GASK1B: variants seen among roughly 807,000 people sequenced by gnomAD.
The protein encoded by GASK1B is Golgi-associated kinase 1B.
GASK1B carries 34 observed loss-of-function variants against 42.8 expected under a neutral mutation model. The observed-to-expected ratio is 0.79, with a 90% CI of 0.60 to 1.06. The LOEUF is 1.06. Among genes scored for constraint, GASK1B ranks in the 50% least tolerant of loss-of-function variants. The pLI is 0.00. For synonymous variants in GASK1B, 262 were observed against 259.1 expected (o/e 1.01, Z -0.11); for missense variants, 686 against 661.0 (o/e 1.04, Z -0.42).
chr4:158,128,349 T>C (rs1028380031), intron 4 of GASK1B, among the ~76,000 whole-genome samples: 8 of 152,188 alleles, frequency 5.3e-5, no homozygotes, highest in Non-Finnish European at 1.2e-4. Flanking sequence ...TTTGCTGAAT[T>C]ACCTTAAAAG....
chr4:158,149,333 C>T (rs758555598), intron 3 of GASK1B, among the ~76,000 whole-genome samples: 5 of 152,126 alleles, frequency 3.3e-5, no homozygotes, highest in Non-Finnish European at 7.4e-5. Context: ...ACTTTGCTAC[C>T]ATTGTGGTTG....
Position 158,171,367 on chromosome 4 carries a change from A to G in GASK1B, c.9T>C (p.Cys3=). Residue 3 remains cysteine, a synonymous_variant, in exon 2 of 5, where the codon TGT becomes TGC. Coordinates refer to ENST00000585682, the MANE Select transcript of GASK1B (RefSeq NM_001128424.2). ...TTATGAGCTGCCCCGGCTTGTCTGG[A>G]CAGGTCATTTCTCTGCCGCATCCAC... The part of the protein sequence containing the change: MT[C]PDKPGQLINW... 2 of 1,577,468 alleles carry G rather than the reference A, an allele frequency of 1.3e-6. No individual in the cohort carries two copies. The highest frequency in any genetic ancestry group is 1.7e-6 in the Non-Finnish European group (2 of 1,158,700).
Position 158,170,619 on chromosome 4 carries a change from C to T in GASK1B, c.757G>A (p.Ala253Thr), listed in dbSNP as rs762471143. ...CCACAGCGGAGCACAGCGCCAGGTG[C>T]GCCCCCCTCCAGCACCAGCAAACGG... The part of the protein sequence containing the change: ...GARLLVLEGG[A>T]PGAVLRCGPS... The change falls in exon 2 of 5, where the codon GCA becomes ACA. Residue 253 changes from alanine (A) to threonine (T), a missense_variant. By Grantham distance (58) the Ala-to-Thr change is moderately conservative. Coordinates refer to ENST00000585682, the MANE Select transcript of GASK1B (RefSeq NM_001128424.2). The T allele has an allele frequency of 3.7e-6, 6 of 1,613,660 alleles. No individual in the cohort carries two copies. Among genetic ancestry groups the T allele is most frequent in the Non-Finnish European group, 8.5e-7 (1 of 1,180,040 alleles).
chr4:158,125,454 C>G lies in GASK1B; in HGVS notation c.*1953G>C, dbSNP rs897168215. Reference sequence around the variant, plus strand: ...AGCAGTAAAAATGCAAATATGCCACCTTGGTAAGACAGGATGTCAGGCAAC... The same window carrying G: ...AGCAGTAAAAATGCAAATATGCCACGTTGGTAAGACAGGATGTCAGGCAAC... On this transcript the variant is annotated 3_prime_UTR_variant, in exon 5 of 5. Coordinates refer to ENST00000585682, the MANE Select transcript of GASK1B (RefSeq NM_001128424.2). 1 of 151,964 alleles carries G rather than the reference C, an allele frequency of 6.6e-6. No homozygotes were observed. Among genetic ancestry groups the G allele is most frequent in the African/African-American group, 2.4e-5 (1 of 41,376 alleles). 9.4% of individuals were successfully genotyped at this position (151,964 alleles called of 1,614,324 possible). A position where few individuals can be genotyped will look rare whatever the true frequency, so the allele number is the denominator to read the frequency against.
chr4:158,154,034 G>C (rs1051004912), intron 3 of GASK1B, among the ~76,000 whole-genome samples: 6 of 151,876 alleles, frequency 4.0e-5, no homozygotes, highest in African/African-American at 9.7e-5. Context: ...AAATTAAAAG[G>C]CTTCTGCATA....
At chr4:158,159,322 C>T (rs528049746) in intron 2 of GASK1B, among the ~76,000 whole-genome samples, 8 of 152,174 alleles carry the variant, frequency 5.3e-5, no homozygotes, top group Non-Finnish European at 8.8e-5. Context: ...GCTACATATA[C>T]GTGTGTGTGG....
At position 158,155,709 on chromosome 4, in the gene GASK1B, A is replaced by G; in HGVS notation, c.1027T>C (p.Cys343Arg). Residue 343 changes from cysteine (C) to arginine (R), a missense_variant, in exon 3 of 5, where the codon TGC becomes CGC. Physicochemically the swap from Cys to Arg is radical, Grantham distance 180. Transcript: ENST00000585682. ...TTGGGTACTCGGCCATTCTGCCAGC[A>G]TTTCTGTTTCAGCAACTGCTGATAA... ...GTYQQLLKQK[C>R]WQNGRVPKPE... 3.1e-6 allele frequency: 5 copies of G among 1,613,934 alleles called. No individual in the cohort carries two copies. The highest frequency in any genetic ancestry group is 4.2e-6 in the Non-Finnish European group (5 of 1,179,826).
intron 2 of GASK1B, chr4:158,169,372 T>C (rs1313485379): frequency 6.6e-6 from 1 of 152,206 alleles, no homozygotes; most frequent in Non-Finnish European, 1.5e-5. Flanking sequence ...GAATGTCCAA[T>C]TTTTCTAAGT....
intron 4 of GASK1B, 27 bp downstream of exon 4, chr4:158,130,759 T>A (rs761230345): frequency 1.7e-5 from 26 of 1,517,220 alleles, no homozygotes; most frequent in Non-Finnish European, 2.1e-5. Flanking sequence ...AAATGTGATG[T>A]CCTGCAGATG....
intron 3 of GASK1B, among the ~76,000 whole-genome samples, chr4:158,141,246 G>T (rs1731102665): frequency 6.6e-6 from 1 of 151,984 alleles, no homozygotes; most frequent in Non-Finnish European, 1.5e-5. Context: ...GAAGAGATAT[G>T]CTTTGAGACA....
chr4:158,168,357 G>A (rs2111023294), intron 2 of GASK1B: 1 of 152,146 alleles, frequency 6.6e-6, no homozygotes, highest in South Asian at 2.1e-4. Context: ...AGAGGGATTG[G>A]GATTACAAAA....
chr4:158,164,930 G>A (rs1427041214), intron 2 of GASK1B, among the ~76,000 whole-genome samples: 1 of 152,180 alleles, frequency 6.6e-6, no homozygotes, highest in Non-Finnish European at 1.5e-5. Flanking sequence ...GGCAATACAA[G>A]TTGGAAAACA....
chr4:158,139,677 T>C (rs1299175399), intron 3 of GASK1B, among the ~76,000 whole-genome samples: 1 of 152,186 alleles, frequency 6.6e-6, no homozygotes, highest in Non-Finnish European at 1.5e-5. Context: ...AAAATAAGTA[T>C]GCATTAAATT....
intron 1 of GASK1B, 88 bp downstream of exon 1, chr4:158,172,780 C>T (rs557471544): frequency 6.6e-6 from 1 of 152,116 alleles, no homozygotes; most frequent in African/African-American, 2.4e-5. Flanking sequence ...AAGCAAGTAA[C>T]TTGTAAAATG....
chr4:158,139,191 T>C (rs1477696797), intron 3 of GASK1B, among the ~76,000 whole-genome samples: 1 of 152,214 alleles, frequency 6.6e-6, no homozygotes, highest in Non-Finnish European at 1.5e-5. Flanking sequence ...CTTCCCCTGC[T>C]AGAAAAGACA....
At chr4:158,144,945 G>A (rs550186398) in intron 3 of GASK1B, among the ~76,000 whole-genome samples, 1 of 152,156 alleles carries the variant, frequency 6.6e-6, no homozygotes, top group Non-Finnish European at 1.5e-5. Flanking sequence ...CAGGACCCTG[G>A]AGCACCATGT....
chr4:158,168,407 C>T (rs913902788), intron 2 of GASK1B: 7 of 152,220 alleles, frequency 4.6e-5, no homozygotes, highest in African/African-American at 1.4e-4. Context: ...TATCACGTAA[C>T]GAAGTAACAC....
chr4:158,140,604 G>A (rs750357720), intron 3 of GASK1B, among the ~76,000 whole-genome samples: 1 of 152,178 alleles, frequency 6.6e-6, no homozygotes, highest in African/African-American at 2.4e-5. Flanking sequence ...CAGAGGCTCA[G>A]TGCTTTGACC....
Position 158,170,466 on chromosome 4 carries a change from C to G in GASK1B, c.910G>C (p.Asp304His). 6.2e-7 allele frequency: 1 copy of G among 1,614,236 alleles called. No individual in the cohort carries two copies. Among genetic ancestry groups the G allele is most frequent in the South Asian group, 1.1e-5 (1 of 91,086 alleles). The stretch of plus-strand genomic sequence containing the variant: ...ATAACGAAGCATGTGAATCTGTTAC[C>G]TTGGATGAACTCTGCTTTCCTGCTC... ...SVSRKAEFIQ[D>H]GRPCPIILWD... The change falls in exon 2 of 5, where the codon GAT (aspartate) becomes CAT (histidine). Residue 304 changes from aspartate (D) to histidine (H), a missense_variant and splice_region_variant. Physicochemically the swap from Asp to His is moderately conservative, Grantham distance 81. Coordinates refer to ENST00000585682, the MANE Select transcript of GASK1B (RefSeq NM_001128424.2).
Sources: allele counts gnomAD v4.1 joint callset (sites outside exome capture counted in the v4.1 genomes callset), GRCh38; gene constraint gnomAD v4.1.1; transcripts MANE v1.5; gene names NCBI Gene and HGNC (gene_info 2026-07-23, HGNC 2026-07-21).